Variants in ISOC1 observed in about 807,000 individuals in gnomAD.
ISOC1 encodes isochorismatase domain-containing protein 1.
In ISOC1, 33 loss-of-function variants were observed where a neutral mutation model predicts 30.0. The observed-to-expected ratio is 1.10, with a 90% CI of 0.83 to 1.47. ISOC1 has a LOEUF of 1.47. ISOC1 is among the 40% of genes most tolerant of loss of function. The pLI is 0.00. For synonymous variants in ISOC1, 178 were observed against 159.8 expected (o/e 1.11, Z -0.86); for missense variants, 372 against 388.0 (o/e 0.96, Z 0.35).
At chr5:129,095,259 C>T (rs1441847311) in intron 1 of ISOC1, among the ~76,000 whole-genome samples, 184 bp downstream of exon 1, 1 of 152,204 alleles carries the variant, frequency 6.6e-6, no homozygotes, top group African/African-American at 2.4e-5. Context: ...GGGAATGCCC[C>T]TGTCCAAAGG....
intron 4 of ISOC1, among the ~76,000 whole-genome samples, chr5:129,111,678 T>C (rs191665248): frequency 6.6e-6 from 1 of 152,330 alleles, no homozygotes; most frequent in Admixed American, 6.5e-5. Context: ...ATCTGTGCTA[T>C]AGAATTCTTC....
At position 129,113,599 on chromosome 5, in the gene ISOC1, A is replaced by G. The variant is rs1230702016; in HGVS notation, c.*598A>G. ...TCTTTCTTGACTATACTGATTTCTT[A>G]TTTTGGTCACTATTACTAAATCTCT... On this transcript the variant is annotated 3_prime_UTR_variant, in exon 5 of 5. Coordinates refer to ENST00000173527, the MANE Select transcript of ISOC1 (RefSeq NM_016048.2). 1.3e-5 allele frequency: 2 copies of G among 152,130 alleles called. No individual in the cohort carries two copies. The highest frequency in any genetic ancestry group is 2.9e-5 in the Non-Finnish European group (2 of 68,028). 9.4% of individuals were successfully genotyped at this position (152,130 alleles called of 1,614,324 possible).
In ISOC1 at chr5:129,101,624, A is replaced by G. The variant is rs535669128; in HGVS notation, c.310-3332A>G. ...ATTACCAGCATGAGCCACCATGCCC[A>G]GCTGGATTCCCTAACATTAACATTT... On this transcript the variant is annotated intron_variant, in intron 1 of 4. Transcript: ENST00000173527. 4.4e-4 allele frequency among the ~76,000 whole-genome samples: 67 copies of G among 152,296 alleles called. 2 individuals are homozygous for G. The highest frequency in any genetic ancestry group is 8.2e-4 in the Non-Finnish European group (56 of 68,022).
chr5:129,110,744 C>T (rs998532489), intron 4 of ISOC1, among the ~76,000 whole-genome samples: 7 of 152,144 alleles, frequency 4.6e-5, no homozygotes, highest in African/African-American at 9.7e-5. Context: ...CTTCTTGTAG[C>T]GTCACCAGAT....
rs772152816 is a variant in ISOC1 at position 129,112,996 on chromosome 5, G to A, written c.892G>A (p.Val298Ile). 6.2e-7 allele frequency: 1 copy of A among 1,611,552 alleles called. No homozygotes were observed. The highest frequency in any genetic ancestry group is 8.5e-7 in the Non-Finnish European group (1 of 1,178,716). The change falls in exon 5 of 5, where the codon GTA becomes ATA. Residue 298 changes from valine (V) to isoleucine (I), a missense_variant. Transcript: ENST00000173527. ...SAPESGLLSK[V>I] ...TCCAGAGTCGGGTCTGCTTTCCAAA[G>A]TATAGGACATTTGAAGAACTGGTAT...
In ISOC1 at chr5:129,107,272, G is replaced by A. The variant is rs749051476; in HGVS notation, c.750+210G>A. ...TGTCTCGTTTCCTCCTTAGATCAAG[G>A]TTTCTAGCGTTGCCACAAACTCCTT... On this transcript the variant is annotated intron_variant, in intron 4 of 4. Transcript: ENST00000173527. Among the ~76,000 whole-genome samples the A allele has an allele frequency of 2.5e-4, 38 of 152,078 alleles. 1 individual carries two copies. The highest frequency in any genetic ancestry group is 4.4e-5 in the Non-Finnish European group (3 of 68,026).
intron 1 of ISOC1, chr5:129,097,880 G>A (rs1489160311): frequency 6.6e-6 from 1 of 152,518 alleles, no homozygotes; most frequent in Non-Finnish European, 1.5e-5. Context: ...GCTGCTCCTT[G>A]TTCTTTGGAA....
intron 4 of ISOC1, among the ~76,000 whole-genome samples, 153 bp from the exon 5 acceptor site, chr5:129,112,702 A>G (rs1251853751): frequency 6.6e-6 from 1 of 152,124 alleles, no homozygotes. Flanking sequence ...CTGGTCTTGA[A>G]ATCCATCCCC....
chr5:129,101,085 T>C (rs139347324), intron 1 of ISOC1, among the ~76,000 whole-genome samples: 35 of 134,950 alleles, frequency 2.6e-4, no homozygotes, highest in African/African-American at 9.3e-4. Flanking sequence ...GGCTGGACTG[T>C]AGCCTCGACC....
chr5:129,111,830 C>G (rs1016176527), intron 4 of ISOC1, among the ~76,000 whole-genome samples: 4 of 152,064 alleles, frequency 2.6e-5, no homozygotes, highest in African/African-American at 9.7e-5. Flanking sequence ...TATGATTCCA[C>G]TGGGGCAGTT....
At chr5:129,097,566 C>A (rs1057316680) in intron 1 of ISOC1, 4 of 152,146 alleles carry the variant, frequency 2.6e-5, no homozygotes, top group African/African-American at 7.2e-5. Context: ...CTTTAAATGC[C>A]TGGCACAGTG....
Position 129,113,103 on chromosome 5 carries a change from T to C in ISOC1, c.*102T>C. 1 of 1,180,572 alleles carries C rather than the reference T, an allele frequency of 8.5e-7. No homozygotes were observed. The highest frequency in any genetic ancestry group is 2.7e-5 in the Admixed American group (1 of 36,702). The allele number at this position is 1,180,572 out of a possible 1,614,324, so 73.1% of individuals were successfully genotyped here. A position where few individuals can be genotyped will look rare whatever the true frequency, so the allele number is the denominator to read the frequency against. On this transcript the variant is annotated 3_prime_UTR_variant, in exon 5 of 5. Coordinates refer to ENST00000173527, the MANE Select transcript of ISOC1 (RefSeq NM_016048.2). ...CTTATCTCTACTAGAATTAAAATGT[T>C]AAGTCAAAAACGGCTCCTTTTTTGC...
At chr5:129,112,506 C>T (rs1477674737) in intron 4 of ISOC1, among the ~76,000 whole-genome samples, 6 of 152,156 alleles carry the variant, frequency 3.9e-5, no homozygotes, top group Admixed American at 2.6e-4. Context: ...TCCAGATGTT[C>T]AGTGATGGGC....
At chr5:129,109,219 T>G (rs1406347647) in intron 4 of ISOC1, among the ~76,000 whole-genome samples, 1 of 152,138 alleles carries the variant, frequency 6.6e-6, no homozygotes, top group African/African-American at 2.4e-5. Context: ...CCACACAATG[T>G]GGGGATAATG....
At chr5:129,098,336 G>A (rs1753532303) in intron 1 of ISOC1, among the ~76,000 whole-genome samples, 1 of 152,174 alleles carries the variant, frequency 6.6e-6, no homozygotes, top group Non-Finnish European at 1.5e-5. Flanking sequence ...TCAGGTAGAT[G>A]AAGGCATAGC....
At chr5:129,104,787 T>C (rs573267912) in intron 1 of ISOC1, among the ~76,000 whole-genome samples, 169 bp from the exon 2 acceptor site, 49 of 150,702 alleles carry the variant, frequency 3.3e-4, no homozygotes, top group African/African-American at 1.2e-3. Flanking sequence ...GAACATCTTT[T>C]TGAGTTTTTT....
intron 4 of ISOC1, among the ~76,000 whole-genome samples, chr5:129,108,457 G>T (rs1753663981): frequency 6.6e-6 from 1 of 151,848 alleles, no homozygotes; most frequent in African/African-American, 2.4e-5. Context: ...CTGGTAGTTA[G>T]GTACTAAGTA....
chr5:129,110,894 G>T (rs1459235609), intron 4 of ISOC1, among the ~76,000 whole-genome samples: 1 of 152,086 alleles, frequency 6.6e-6, no homozygotes, highest in Admixed American at 6.6e-5. Context: ...CTGTGATTTA[G>T]TCCTTGATTC....
chr5:129,097,129 G>A (rs370742189), intron 1 of ISOC1, among the ~76,000 whole-genome samples: 7 of 151,890 alleles, frequency 4.6e-5, no homozygotes, highest in East Asian at 3.9e-4. Context: ...AAATTTTTCC[G>A]CCAACTAGTC....
Sources: allele counts gnomAD v4.1 joint callset (sites outside exome capture counted in the v4.1 genomes callset), GRCh38; gene constraint gnomAD v4.1.1; transcripts MANE v1.5; gene names NCBI Gene and HGNC (gene_info 2026-07-23, HGNC 2026-07-21).